The following TEC variants were observed in gnomAD, a reference collection of about 807,000 sequenced individuals.
The protein encoded by TEC is tec protein tyrosine kinase, also known as tyrosine-protein kinase Tec.
Under a neutral mutation model 93.0 loss-of-function variants are expected in TEC, and 72 were observed. The observed-to-expected ratio is 0.77, with a 90% CI of 0.64 to 0.94. TEC has a LOEUF of 0.94. Among genes scored for constraint, TEC ranks in the 40% least tolerant of loss-of-function variants. TEC has a pLI of 0.00. For synonymous variants in TEC, 249 were observed against 247.7 expected (o/e 1.01, Z -0.05); for missense variants, 630 against 757.9 (o/e 0.83, Z 1.98).
intron 1 of TEC, among the ~76,000 whole-genome samples, chr4:48,254,994 A>G (rs1724302855): frequency 6.6e-6 from 1 of 152,256 alleles, no homozygotes; most frequent in Admixed American, 6.5e-5. Context: ...CCAAGGGCAG[A>G]CAGACAATAG....
At chr4:48,158,972 A>T (rs1720513288) in intron 8 of TEC, among the ~76,000 whole-genome samples, 1 of 152,126 alleles carries the variant, frequency 6.6e-6, no homozygotes, top group African/African-American at 2.4e-5. Flanking sequence ...AGAAAGGAGG[A>T]AGGAGTCATA....
Position 48,144,228 on chromosome 4 carries a change from T to A in TEC, c.1470+851A>T, listed in dbSNP as rs533329725. On this transcript the variant is annotated intron_variant, in intron 14 of 17. Coordinates refer to ENST00000381501, the MANE Select transcript of TEC (RefSeq NM_003215.3). ...AGACCTGTCTCAAAGGAAAAAAAAA[T>A]TTTTTTAAAGTTTTTCTGCTTTCTA... Among the ~76,000 whole-genome samples, 87 of 152,000 alleles carry A rather than the reference T, an allele frequency of 5.7e-4. 2 individuals are homozygous for A. Among genetic ancestry groups the A allele is most frequent in the Admixed American group, 1.7e-3 (26 of 15,258 alleles).
intron 2 of TEC, among the ~76,000 whole-genome samples, chr4:48,202,630 T>C (rs1246004683): frequency 6.6e-6 from 1 of 152,240 alleles, no homozygotes; most frequent in Non-Finnish European, 1.5e-5. Flanking sequence ...AGGCTTACCA[T>C]ATGCCAGTTT....
chr4:48,212,870 T>TA, intron 2 of TEC, among the ~76,000 whole-genome samples: 1 of 152,318 alleles, frequency 6.6e-6, no homozygotes, highest in Non-Finnish European at 1.5e-5. Context: ...ATTGTAAGCT[T>TA]AATGAGGCCA....
intron 4 of TEC, among the ~76,000 whole-genome samples, chr4:48,171,050 C>CAA (rs35950616): frequency 1.4e-5 from 2 of 147,382 alleles, no homozygotes; most frequent in African/African-American, 5.0e-5. Context: ...AACTCTGTCT[C>CAA]AAAAAAAAAA....
At chr4:48,173,337 G>A (rs562183405) in intron 3 of TEC, among the ~76,000 whole-genome samples, 1 of 152,240 alleles carries the variant, frequency 6.6e-6, no homozygotes, top group East Asian at 1.9e-4. Flanking sequence ...TCAGAGTTTC[G>A]ATAACTAAAA....
chr4:48,230,341 A>G (rs1452574167), intron 1 of TEC, among the ~76,000 whole-genome samples: 1 of 152,136 alleles, frequency 6.6e-6, no homozygotes, highest in Non-Finnish European at 1.5e-5. Context: ...CTCTCTGAAC[A>G]TCAGTTCCTT....
rs781716446 is a variant in TEC at position 48,168,585 on chromosome 4, C to A, written c.495+1G>T. ...ACTATCAAAAGCTAAAGACCACCTA[C>A]CTTCTTTGTTTCTGGTGCTGGAGGT... On this transcript the variant is annotated splice_donor_variant, in intron 6 of 17. Coordinates refer to ENST00000381501, the MANE Select transcript of TEC (RefSeq NM_003215.3). LOFTEE classifies it high-confidence loss of function. 2.5e-6 allele frequency: 4 copies of A among 1,609,224 alleles called. No individual in the cohort carries two copies. The South Asian group carries it at 4.5e-5, about 18-fold the overall frequency.
In TEC at chr4:48,269,811, CG is replaced by C. The variant is rs1724747475; in HGVS notation, c.-106del. 6.6e-6 allele frequency: 1 copy of C among 151,862 alleles called. No individual in the cohort carries two copies. The highest frequency in any genetic ancestry group is 1.5e-5 in the Non-Finnish European group (1 of 67,774). The allele number at this position is 151,862 out of a possible 1,614,324, so 9.4% of individuals were successfully genotyped here. On this transcript the variant is annotated 5_prime_UTR_variant, in exon 1 of 18. Transcript: ENST00000381501. The stretch of plus-strand genomic sequence containing the variant: ...AGACTGCGAGGTGCAGTCTGCGCCG[CG>C]GAGTCCGGAGCCTAGCGCCCCAGAG...
At chr4:48,237,331 A>G (rs1333434766) in intron 1 of TEC, among the ~76,000 whole-genome samples, 4 of 150,984 alleles carry the variant, frequency 2.6e-5, no homozygotes, top group Admixed American at 1.3e-4. Flanking sequence ...AAAAAAAAAA[A>G]AGAGAGAGAG....
chr4:48,210,929 T>C (rs1722880265), intron 2 of TEC, among the ~76,000 whole-genome samples: 1 of 152,182 alleles, frequency 6.6e-6, no homozygotes, highest in Non-Finnish European at 1.5e-5. Context: ...CAACCTACCT[T>C]ATGTATATAA....
At position 48,259,731 on chromosome 4, in the gene TEC, A is replaced by C. The variant is rs1724446752; in HGVS notation, c.-46+10021T>G. On this transcript the variant is annotated intron_variant, in intron 1 of 17. Coordinates refer to ENST00000381501, the MANE Select transcript of TEC (RefSeq NM_003215.3). ...ACTTTGTCTCAAAAAAAAAAAAAAA[A>C]GAAAGATGTCAAAAGAAAAATCTGA... 2.0e-5 allele frequency among the ~76,000 whole-genome samples: 3 copies of C among 147,682 alleles called. No homozygotes were observed. In the South Asian group the frequency reaches 6.5e-4, roughly 32 times the overall value.
chr4:48,245,607 C>T (rs911150127), intron 1 of TEC, among the ~76,000 whole-genome samples: 3 of 152,134 alleles, frequency 2.0e-5, no homozygotes, highest in African/African-American at 7.2e-5. Context: ...ATTACTATTA[C>T]TATTAATCGC....
chr4:48,250,699 C>T (rs1724176813), intron 1 of TEC, among the ~76,000 whole-genome samples: 1 of 152,148 alleles, frequency 6.6e-6, no homozygotes, highest in South Asian at 2.1e-4. Context: ...CTGAGACCAT[C>T]CCTATACTAG....
chr4:48,146,494 A>G, intron 11 of TEC, 95 bp from the exon 12 acceptor site: 1 of 1,069,538 alleles, frequency 9.3e-7, no homozygotes, highest in Non-Finnish European at 1.4e-6. Flanking sequence ...TTCATCATTT[A>G]TTCATTTACT....
chr4:48,269,084 A>ACTT (rs573632611), intron 1 of TEC, among the ~76,000 whole-genome samples: 1 of 123,916 alleles, frequency 8.1e-6, no homozygotes, highest in African/African-American at 3.0e-5. Context: ...TTCAAACACA[A>ACTT]CTTCCCGGGG....
intron 2 of TEC, among the ~76,000 whole-genome samples, chr4:48,204,730 G>A (rs1194736606): frequency 3.9e-5 from 6 of 152,164 alleles, no homozygotes; most frequent in Non-Finnish European, 7.3e-5. Context: ...CCTCACATGT[G>A]CAGTTCACAA....
intron 12 of TEC, among the ~76,000 whole-genome samples, chr4:48,146,122 A>G (rs763042420): frequency 6.6e-6 from 1 of 152,194 alleles, no homozygotes; most frequent in Admixed American, 6.5e-5. Flanking sequence ...TCACTGACAG[A>G]AAGTTTTCTA....
At chr4:48,224,480 C>A (rs1180856327) in intron 2 of TEC, among the ~76,000 whole-genome samples, 4 of 152,138 alleles carry the variant, frequency 2.6e-5, no homozygotes, top group African/African-American at 9.7e-5. Flanking sequence ...GGTGGTCTGT[C>A]CCCTGTGTCA....
Sources: allele counts gnomAD v4.1 joint callset (sites outside exome capture counted in the v4.1 genomes callset), GRCh38; gene constraint gnomAD v4.1.1; transcripts MANE v1.5; gene names NCBI Gene and HGNC (gene_info 2026-07-23, HGNC 2026-07-21).